DDX31: variants seen among roughly 807,000 people sequenced by gnomAD.
DDX31 encodes the protein ATP-dependent DNA helicase DDX31.
Under a neutral mutation model 91.3 loss-of-function variants are expected in DDX31, and 70 were observed. The observed-to-expected ratio is 0.77, with a 90% CI of 0.63 to 0.94. The LOEUF (loss-of-function observed/expected upper bound fraction) is 0.94, where lower values mean the gene tolerates loss of function less well. DDX31 is among the 40% of genes least tolerant of loss of function. DDX31 has a pLI of 0.00. For missense variants in DDX31, 902 were observed against 925.0 expected, an observed-to-expected ratio of 0.98 and a Z score of 0.32; for synonymous variants, 362 against 350.6, an observed-to-expected ratio of 1.03 and a Z score of -0.36.
intron 19 of DDX31, 91 bp downstream of exon 19, chr9:132,611,996 A>C: frequency 1.3e-6 from 2 of 1,496,202 alleles, no homozygotes; most frequent in Non-Finnish European, 9.0e-7. Context: ...ATGAGTGAGA[A>C]GAGAGTTGCG....
chr9:132,642,137 G>GCTCT, intron 13 of DDX31, 74 bp from the exon 14 acceptor site: 1 of 1,339,268 alleles, frequency 7.5e-7, no homozygotes, highest in Non-Finnish European at 1.1e-6. Flanking sequence ...CATCTCCCTA[G>GCTCT]CTCTCTCCAT....
chr9:132,658,556 G>T, intron 6 of DDX31, 115 bp downstream of exon 6: 1 of 962,446 alleles, frequency 1.0e-6, no homozygotes, highest in Admixed American at 2.2e-5. Flanking sequence ...AAAAGGAGGT[G>T]AAAAAAATAC....
chr9:132,607,061 G>A (rs1831070355), intron 19 of DDX31, among the ~76,000 whole-genome samples: 1 of 152,200 alleles, frequency 6.6e-6, no homozygotes. Context: ...GGCGACTGGT[G>A]TGTATGATTT....
intron 19 of DDX31, among the ~76,000 whole-genome samples, chr9:132,597,671 C>T (rs911518681): frequency 1.8e-4 from 28 of 152,172 alleles, no homozygotes; most frequent in Non-Finnish European, 1.0e-4. Flanking sequence ...CAGGCACCAG[C>T]GCTCAGGCAG....
intron 14 of DDX31, among the ~76,000 whole-genome samples, chr9:132,639,675 A>C: frequency 6.6e-6 from 1 of 152,256 alleles, no homozygotes. Flanking sequence ...AGCTACTAAA[A>C]ATACAAACAA....
chr9:132,656,355 C>T lies in DDX31; in HGVS notation c.588+2316G>A, dbSNP rs145781702. On this transcript the variant is annotated intron_variant, in intron 6 of 19. Coordinates refer to ENST00000372159, the MANE Select transcript of DDX31 (RefSeq NM_022779.9). The stretch of plus-strand genomic sequence containing the variant: ...ATATTCCAGTCTTTAATAGAATGAC[C>T]GACCTGTTCGTGATTTTTTAAAATA... Among the ~76,000 whole-genome samples, 34 of 152,216 alleles carry T rather than the reference C, an allele frequency of 2.2e-4. 1 individual carries two copies. The South Asian group carries it at 2.9e-3, about 13-fold the overall frequency.
At chr9:132,604,141 G>A (rs1175956186) in intron 19 of DDX31, among the ~76,000 whole-genome samples, 1 of 152,192 alleles carries the variant, frequency 6.6e-6, no homozygotes, top group African/African-American at 2.4e-5. Context: ...ACCCCCACTG[G>A]AGCATGTGCC....
intron 16 of DDX31, 69 bp downstream of exon 16, chr9:132,630,195 C>T (rs754070556): frequency 6.7e-7 from 1 of 1,481,738 alleles, no homozygotes; most frequent in African/African-American, 1.4e-5. Flanking sequence ...AAGGCCCATT[C>T]ACTGTAAAAA....
intron 6 of DDX31, among the ~76,000 whole-genome samples, chr9:132,653,274 A>G (rs1236558273): frequency 5.3e-5 from 8 of 151,906 alleles, no homozygotes; most frequent in Non-Finnish European, 1.2e-4. Flanking sequence ...CAGGCGGATC[A>G]CTTGAGGTCA....
intron 14 of DDX31, among the ~76,000 whole-genome samples, chr9:132,641,408 G>A (rs1006464368): frequency 2.0e-5 from 3 of 152,218 alleles, no homozygotes; most frequent in Middle Eastern, 6.3e-3. Flanking sequence ...CAACAACTAC[G>A]GTAAAGTGAA....
Position 132,594,760 on chromosome 9 carries a change from C to T in DDX31, c.*106G>A. On this transcript the variant is annotated 3_prime_UTR_variant, in exon 20 of 20. Coordinates refer to ENST00000372159, the MANE Select transcript of DDX31 (RefSeq NM_022779.9). ...CTCTGATTCTTGGGGACGTGGTATTCAGGCAAAGGCGCAGTTATTTTTCAC... is the reference window on the plus strand; with the variant it reads ...CTCTGATTCTTGGGGACGTGGTATTTAGGCAAAGGCGCAGTTATTTTTCAC... The T allele has an allele frequency of 6.6e-7, 1 of 1,516,168 alleles. No homozygotes were observed. The highest frequency in any genetic ancestry group is 1.4e-5 in the African/African-American group (1 of 71,914). The allele number at this position is 1,516,168 out of a possible 1,614,324, so 93.9% of individuals were successfully genotyped here. A position where few individuals can be genotyped will look rare whatever the true frequency, so the allele number is the denominator to read the frequency against.
At chr9:132,661,066 G>A in intron 4 of DDX31, 142 bp downstream of exon 4, 1 of 730,374 alleles carries the variant, frequency 1.4e-6, no homozygotes, top group Non-Finnish European at 2.4e-6. Flanking sequence ...GTAGCTAAGT[G>A]AGACGACAAC....
chr9:132,611,560 T>TGCTCTTTTTGGGAGGAAAGG (rs977569234), intron 19 of DDX31, among the ~76,000 whole-genome samples: 1 of 151,944 alleles, frequency 6.6e-6, no homozygotes, highest in Non-Finnish European at 1.5e-5. Context: ...GTCCTGAACA[T>TGCTCTTTTTGGGAGGAAAGG]GCTCTTTTTG....
intron 19 of DDX31, among the ~76,000 whole-genome samples, chr9:132,598,402 C>T (rs377158884): frequency 5.4e-4 from 83 of 152,312 alleles, no homozygotes; most frequent in African/African-American, 1.9e-3. Flanking sequence ...GAGCATCCAC[C>T]ATAGTAATCC....
At chr9:132,639,137 G>A (rs976924485) in intron 14 of DDX31, among the ~76,000 whole-genome samples, 4 of 152,006 alleles carry the variant, frequency 2.6e-5, no homozygotes, top group East Asian at 1.9e-4. Flanking sequence ...CATCTCCCCC[G>A]ACCCAGGCAT....
At chr9:132,650,091 G>T in intron 9 of DDX31, 143 bp downstream of exon 9, 1 of 776,060 alleles carries the variant, frequency 1.3e-6, no homozygotes, top group South Asian at 1.6e-5. Context: ...GCTCCCCACT[G>T]ACTCAATCTG....
rs1020933163 is a variant in DDX31 at position 132,596,992 on chromosome 9, G to A, written c.1995-1880C>T. ...GTTTCCTCACTGAGAATGGCACTCA[G>A]GTGTGAGGATTAGAAAAAATCAAGA... On this transcript the variant is annotated intron_variant, in intron 19 of 19. Coordinates refer to ENST00000372159, the MANE Select transcript of DDX31 (RefSeq NM_022779.9). 1.2e-4 allele frequency among the ~76,000 whole-genome samples: 16 copies of A among 131,894 alleles called. No homozygotes were observed. In the South Asian group the frequency reaches 2.0e-3, roughly 16 times the overall value. 86.5% of individuals were successfully genotyped at this position (131,894 alleles called of 152,430 possible).
At chr9:132,625,083 C>T (rs1832314371) in intron 17 of DDX31, among the ~76,000 whole-genome samples, 1 of 152,084 alleles carries the variant, frequency 6.6e-6, no homozygotes, top group Admixed American at 6.5e-5. Context: ...ATGGTCTAGT[C>T]GGGTGCAGCC....
chr9:132,605,030 C>T (rs1830933467), intron 19 of DDX31, among the ~76,000 whole-genome samples: 1 of 152,216 alleles, frequency 6.6e-6, no homozygotes, highest in Non-Finnish European at 1.5e-5. Context: ...GGCCTGTTCT[C>T]TTAGGACAGA....
Sources: allele counts gnomAD v4.1 joint callset (sites outside exome capture counted in the v4.1 genomes callset), GRCh38; gene constraint gnomAD v4.1.1; transcripts MANE v1.5; gene names NCBI Gene and HGNC (gene_info 2026-07-23, HGNC 2026-07-21).